The following PRR5L variants were observed in gnomAD, a reference collection of about 807,000 sequenced individuals.
PRR5L encodes proline-rich protein 5-like.
Under a neutral mutation model 36.4 loss-of-function variants are expected in PRR5L, and 21 were observed. The observed-to-expected ratio is 0.58, with a 90% confidence interval of 0.41 to 0.83. The LOEUF is 0.83. PRR5L is among the 40% of genes least tolerant of loss of function. The probability of loss-of-function intolerance (pLI) is 0.00; values close to 1 mark genes in which losing one functional copy is unlikely to be tolerated. For synonymous variants in PRR5L, 188 were observed against 197.0 expected, an observed-to-expected ratio of 0.95 and a Z score of 0.38; for missense variants, 381 against 473.3, an observed-to-expected ratio of 0.80 and a Z score of 1.81.
intron 1 of PRR5L, among the ~76,000 whole-genome samples, chr11:36,360,706 C>T (rs1245421793): frequency 6.6e-6 from 1 of 152,084 alleles, no homozygotes; most frequent in African/African-American, 2.4e-5. Flanking sequence ...TGATATACAC[C>T]CAGGGGGAAA....
At chr11:36,434,520 T>C (rs753305943) in intron 5 of PRR5L, among the ~76,000 whole-genome samples, 2 of 152,168 alleles carry the variant, frequency 1.3e-5, no homozygotes, top group Non-Finnish European at 2.9e-5. Context: ...TATCCACTTA[T>C]TGCTGTTTTG....
intron 1 of PRR5L, among the ~76,000 whole-genome samples, chr11:36,313,229 G>T (rs1469098820): frequency 6.6e-6 from 1 of 152,198 alleles, no homozygotes; most frequent in Non-Finnish European, 1.5e-5. Flanking sequence ...AAGAAAACCA[G>T]ATTACACCTT....
intron 1 of PRR5L, among the ~76,000 whole-genome samples, chr11:36,384,771 C>T (rs1857428431): frequency 6.6e-6 from 1 of 151,594 alleles, no homozygotes; most frequent in South Asian, 2.1e-4. Flanking sequence ...CTCCTGGGCT[C>T]AAGGGATCCT....
At position 36,407,612 on chromosome 11, in the gene PRR5L, A is replaced by G. The variant is rs1239999373; in HGVS notation, c.245+4234A>G. 3.3e-5 allele frequency among the ~76,000 whole-genome samples: 5 copies of G among 152,228 alleles called. No homozygotes were observed. The East Asian group carries it at 9.6e-4, about 29-fold the overall frequency. ...CATTCTACTGAACCCAAATGGTAAT[A>G]AACTTTTTGATGGAGTATCCAAGTC... On this transcript the variant is annotated intron_variant, in intron 3 of 8. Coordinates refer to ENST00000530639, the MANE Select transcript of PRR5L (RefSeq NM_001160167.2).
chr11:36,326,512 C>CGAT (rs1236842862), intron 1 of PRR5L, among the ~76,000 whole-genome samples: 1 of 149,240 alleles, frequency 6.7e-6, no homozygotes, highest in Admixed American at 6.6e-5. Flanking sequence ...TTTGATTGAT[C>CGAT]TACCTCTTGA....
chr11:36,345,097 G>C (rs961833601), intron 1 of PRR5L, among the ~76,000 whole-genome samples: 6 of 152,146 alleles, frequency 3.9e-5, no homozygotes, highest in Admixed American at 2.6e-4. Flanking sequence ...GTCAGGGTGA[G>C]AGCAGCGGCA....
intron 1 of PRR5L, among the ~76,000 whole-genome samples, chr11:36,359,512 A>G (rs111720284): frequency 0.016 from 2,466 of 152,320 alleles, 65 homozygotes; most frequent in African/African-American, 0.056. Context: ...GTTCTTTAGG[A>G]AGACACAAAT....
chr11:36,299,060 G>C (rs1856345327), intron 1 of PRR5L, among the ~76,000 whole-genome samples: 1 of 152,216 alleles, frequency 6.6e-6, no homozygotes, highest in African/African-American at 2.4e-5. Flanking sequence ...TGGGAGGATA[G>C]TTGAGGCCAC....
chr11:36,322,097 A>G (rs975266315), intron 1 of PRR5L, among the ~76,000 whole-genome samples: 2 of 152,174 alleles, frequency 1.3e-5, no homozygotes, highest in Non-Finnish European at 2.9e-5. Flanking sequence ...CCTCAGGTCT[A>G]CTCCTCAGAA....
chr11:36,370,540 C>T (rs1401763149), intron 1 of PRR5L, among the ~76,000 whole-genome samples: 1 of 152,166 alleles, frequency 6.6e-6, no homozygotes, highest in Admixed American at 6.5e-5. Context: ...ATTTGTTGAC[C>T]AAATGACTGA....
At chr11:36,426,529 T>C (rs1192556628) in intron 4 of PRR5L, among the ~76,000 whole-genome samples, 1 of 152,206 alleles carries the variant, frequency 6.6e-6, no homozygotes, top group African/African-American at 2.4e-5. Flanking sequence ...GTATCAGTAT[T>C]TTTATTACTA....
At chr11:36,392,000 T>C (rs1211319644) in intron 1 of PRR5L, among the ~76,000 whole-genome samples, 1 of 152,226 alleles carries the variant, frequency 6.6e-6, no homozygotes, top group Non-Finnish European at 1.5e-5. Context: ...GTAACCATCA[T>C]TTTCCTGTCT....
intron 1 of PRR5L, among the ~76,000 whole-genome samples, chr11:36,320,628 G>A (rs1395888607): frequency 6.6e-6 from 1 of 152,174 alleles, no homozygotes; most frequent in Non-Finnish European, 1.5e-5. Context: ...GCCCTACCTG[G>A]TAAGGTGGTG....
intron 1 of PRR5L, among the ~76,000 whole-genome samples, chr11:36,345,315 G>A (rs11605183): frequency 0.023 from 3,524 of 152,196 alleles, 76 homozygotes; most frequent in East Asian, 0.098. Flanking sequence ...ATCACAGAGA[G>A]ATATGCTGTG....
At chr11:36,408,812 A>G (rs1237616734) in intron 3 of PRR5L, among the ~76,000 whole-genome samples, 1 of 152,200 alleles carries the variant, frequency 6.6e-6, no homozygotes, top group African/African-American at 2.4e-5. Context: ...GAAAAAAGCA[A>G]GACTGATGTT....
intron 1 of PRR5L, among the ~76,000 whole-genome samples, chr11:36,361,946 G>A (rs551504741): frequency 1.3e-5 from 2 of 151,844 alleles, no homozygotes; most frequent in African/African-American, 4.8e-5. Context: ...GTTGGATAAA[G>A]TGACCTCTGA....
At chr11:36,347,736 A>G (rs866057803) in intron 1 of PRR5L, among the ~76,000 whole-genome samples, 5 of 151,810 alleles carry the variant, frequency 3.3e-5, no homozygotes, top group Admixed American at 3.3e-4. Context: ...TGTCAAGCAG[A>G]TGATGGTCCA....
At chr11:36,325,934 G>A (rs1050491654) in intron 1 of PRR5L, among the ~76,000 whole-genome samples, 1 of 152,108 alleles carries the variant, frequency 6.6e-6, no homozygotes, top group African/African-American at 2.4e-5. Flanking sequence ...TGAGTCAGTT[G>A]TTGGTCTGCA....
At chr11:36,446,499 C>T (rs1405690820) in intron 7 of PRR5L, 59 bp downstream of exon 7, 3 of 1,596,572 alleles carry the variant, frequency 1.9e-6, no homozygotes, top group Non-Finnish European at 2.6e-6. Context: ...GAAGAGATTG[C>T]CTTTCTGAGA....
Sources: gnomAD v4.1 joint callset for allele counts (sites outside exome capture counted in the v4.1 genomes callset) on GRCh38, gnomAD v4.1.1 for gene constraint, MANE v1.5 for transcripts, NCBI Gene and HGNC (gene_info 2026-07-23, HGNC 2026-07-21) for gene names.